The following RNF13 variants were observed in gnomAD, a reference collection of about 807,000 sequenced individuals.
RNF13 encodes E3 ubiquitin-protein ligase RNF13.
Under a neutral mutation model 37.7 loss-of-function variants are expected in RNF13, and 19 were observed. That is an observed-to-expected ratio of 0.50 (90% CI 0.35 to 0.74). RNF13 has a LOEUF of 0.74. Among genes scored for constraint, RNF13 ranks in the 30% least tolerant of loss-of-function variants. RNF13 has a pLI of 0.01. For missense variants in RNF13, 375 were observed against 453.0 expected, an observed-to-expected ratio of 0.83 and a Z score of 1.56; for synonymous variants, 144 against 157.8, an observed-to-expected ratio of 0.91 and a Z score of 0.65.
intron 3 of RNF13, among the ~76,000 whole-genome samples, chr3:149,860,653 A>G (rs1482124393): frequency 2.0e-5 from 3 of 152,196 alleles, no homozygotes; most frequent in Non-Finnish European, 2.9e-5. Context: ...CCCCCAAACT[A>G]TAAAACTATT....
intron 2 of RNF13, among the ~76,000 whole-genome samples, chr3:149,850,636 C>T (rs1723044528): frequency 6.6e-6 from 1 of 152,132 alleles, no homozygotes; most frequent in African/African-American, 2.4e-5. Flanking sequence ...TTTGTAGATT[C>T]CCCATTTCCT....
At chr3:149,878,314 T>C (rs1238103877) in intron 4 of RNF13, among the ~76,000 whole-genome samples, 4 of 152,162 alleles carry the variant, frequency 2.6e-5, no homozygotes, top group African/African-American at 9.6e-5. Flanking sequence ...GGAGGAAAGA[T>C]GGGATCGAAA....
intron 4 of RNF13, among the ~76,000 whole-genome samples, chr3:149,890,049 T>G (rs1714531655): frequency 6.6e-6 from 1 of 152,190 alleles, no homozygotes; most frequent in East Asian, 1.9e-4. Flanking sequence ...TCAAATTTAG[T>G]ATGTTTAAAG....
intron 1 of RNF13, among the ~76,000 whole-genome samples, chr3:149,837,794 C>T (rs112797680): frequency 0.024 from 3,618 of 152,120 alleles, 138 homozygotes; most frequent in African/African-American, 0.082. Context: ...AATCTCATGT[C>T]CTCATATTTC....
intron 4 of RNF13, among the ~76,000 whole-genome samples, chr3:149,887,337 T>C (rs1211369730): frequency 6.6e-6 from 1 of 152,164 alleles, no homozygotes; most frequent in African/African-American, 2.4e-5. Context: ...GTATAAATCA[T>C]CTAGACCAAA....
At chr3:149,877,620 A>G (rs1232302814) in intron 4 of RNF13, among the ~76,000 whole-genome samples, 1 of 151,796 alleles carries the variant, frequency 6.6e-6, no homozygotes, top group African/African-American at 2.4e-5. Context: ...ACTCTGCACT[A>G]CTATTTCAGT....
intron 3 of RNF13, among the ~76,000 whole-genome samples, chr3:149,865,312 T>G (rs1724685620): frequency 7.5e-6 from 1 of 134,178 alleles, no homozygotes. Flanking sequence ...ATGAAACTTC[T>G]TTCTAGATGT....
At chr3:149,907,237 A>G (rs946853718) in intron 6 of RNF13, among the ~76,000 whole-genome samples, 73 of 152,228 alleles carry the variant, frequency 4.8e-4, no homozygotes, top group African/African-American at 1.8e-3. Context: ...TATGCTTCTA[A>G]TTGCTTTCCC....
intron 1 of RNF13, among the ~76,000 whole-genome samples, chr3:149,842,714 C>A (rs1204393139): frequency 6.6e-6 from 1 of 152,142 alleles, no homozygotes; most frequent in African/African-American, 2.4e-5. Context: ...CTGTTCAGCC[C>A]ATTAAAGAAT....
chr3:149,886,135 G>C (rs1466281137), intron 4 of RNF13, among the ~76,000 whole-genome samples: 1 of 152,074 alleles, frequency 6.6e-6, no homozygotes, highest in Non-Finnish European at 1.5e-5. Flanking sequence ...TACTATAGCT[G>C]TGTAGTATAA....
intron 3 of RNF13, among the ~76,000 whole-genome samples, chr3:149,867,555 G>A (rs1273274096): frequency 3.3e-5 from 5 of 151,684 alleles, no homozygotes; most frequent in Non-Finnish European, 5.9e-5. Flanking sequence ...ATGAGCGACC[G>A]CACCCGGCCT....
chr3:149,960,222 T>C (rs902145252), intron 9 of RNF13, 86 bp downstream of exon 9: 2 of 897,478 alleles, frequency 2.2e-6, no homozygotes, highest in South Asian at 2.8e-5. Flanking sequence ...TGGAAAATAG[T>C]TATTAGCACA....
intron 8 of RNF13, among the ~76,000 whole-genome samples, chr3:149,947,507 C>A (rs1042223087): frequency 6.6e-6 from 1 of 151,730 alleles, no homozygotes; most frequent in African/African-American, 2.4e-5. Flanking sequence ...TGGGCTTAAG[C>A]GATTCTTCTG....
At chr3:149,907,696 T>G (rs1716566926) in intron 6 of RNF13, among the ~76,000 whole-genome samples, 1 of 152,220 alleles carries the variant, frequency 6.6e-6, no homozygotes, top group Non-Finnish European at 1.5e-5. Flanking sequence ...CATATAGCAT[T>G]GCTGGAAGGA....
intron 4 of RNF13, among the ~76,000 whole-genome samples, chr3:149,881,793 G>C (rs1713441757): frequency 6.6e-6 from 1 of 152,084 alleles, no homozygotes; most frequent in Admixed American, 6.5e-5. Flanking sequence ...TTACCTCTAA[G>C]CTTAACATGT....
chr3:149,828,156 A>C (rs1720690247), intron 1 of RNF13, among the ~76,000 whole-genome samples: 1 of 152,216 alleles, frequency 6.6e-6, no homozygotes, highest in Non-Finnish European at 1.5e-5. Context: ...TCATTTAGTC[A>C]GTCAGTTAGA....
rs376953209 is a variant in RNF13 at position 149,961,919 on chromosome 3, G to A, written c.*815G>A. 2 of 119,702 alleles carry A rather than the reference G, an allele frequency of 1.7e-5. No homozygotes were observed. The highest frequency in any genetic ancestry group is 2.9e-5 in the African/African-American group (1 of 35,022). 7.4% of individuals were successfully genotyped at this position (119,702 alleles called of 1,614,324 possible). A position where few individuals can be genotyped will look rare whatever the true frequency, so the allele number is the denominator to read the frequency against. ...TAGCCCTGCTAAACTATGTACAGAG[G>A]AAACTGTTCAAGTATTGGATTTGAA... On this transcript the variant is annotated 3_prime_UTR_variant, in exon 10 of 10. Coordinates refer to ENST00000392894, the MANE Select transcript of RNF13 (RefSeq NM_183381.3).
chr3:149,852,974 G>A (rs1723252724), intron 3 of RNF13, among the ~76,000 whole-genome samples: 2 of 151,736 alleles, frequency 1.3e-5, no homozygotes, highest in Admixed American at 1.3e-4. Context: ...ATAGAAACAT[G>A]CTATTTGGTT....
intron 2 of RNF13, among the ~76,000 whole-genome samples, chr3:149,850,351 A>G (rs1413450883): frequency 6.6e-6 from 1 of 152,216 alleles, no homozygotes; most frequent in Non-Finnish European, 1.5e-5. Context: ...TCCTTATACC[A>G]AAAACGTAAA....
Sources: allele counts gnomAD v4.1 joint callset (sites outside exome capture counted in the v4.1 genomes callset), GRCh38; gene constraint gnomAD v4.1.1; transcripts MANE v1.5; gene names NCBI Gene and HGNC (gene_info 2026-07-23, HGNC 2026-07-21).